PIGL: variants seen among roughly 807,000 people sequenced by gnomAD.
PIGL encodes the protein phosphatidylinositol glycan anchor biosynthesis class L, also known as N-acetylglucosaminyl-phosphatidylinositol de-N-acetylase.
PIGL carries 22 observed loss-of-function variants against 31.1 expected under a neutral mutation model. That is an observed-to-expected ratio of 0.71 (90% CI 0.51 to 1.01). The LOEUF (loss-of-function observed/expected upper bound fraction) is 1.01, where lower values mean the gene tolerates loss of function less well. Among genes scored for constraint, PIGL ranks in the 50% least tolerant of loss-of-function variants. The pLI, the probability that PIGL is intolerant of heterozygous loss-of-function variation, is 0.00. For synonymous variants in PIGL, 131 were observed against 117.4 expected, an observed-to-expected ratio of 1.12 and a Z score of -0.75; for missense variants, 302 against 315.9, an observed-to-expected ratio of 0.96 and a Z score of 0.33.
intron 2 of PIGL, among the ~76,000 whole-genome samples, chr17:16,291,028 T>A (rs987125071): frequency 6.6e-6 from 1 of 152,196 alleles, no homozygotes. Context: ...GAGGCTTGAC[T>A]TCTGCTTTCA....
chr17:16,312,274 C>G lies in PIGL; in HGVS notation c.427-1273C>G, dbSNP rs1210589136. The G allele has an allele frequency of 1.9e-5, 3 of 161,966 alleles. No homozygotes were observed. In the East Asian group the frequency reaches 5.5e-4, roughly 30 times the overall value. The allele number at this position is 161,966 out of a possible 1,614,324, so 10.0% of individuals were successfully genotyped here. On this transcript the variant is annotated intron_variant, in intron 3 of 6. Transcript: ENST00000225609. ...GGCCGGGCAGAGACGCTCCTCACCT[C>G]CCAGACGGGGGTCGCGGCCGGGCAG...
Position 16,242,978 on chromosome 17 carries a change from C to A in PIGL, c.335+8908C>A, listed in dbSNP as rs115062198. Among the ~76,000 whole-genome samples, 1,072 of 152,200 alleles carry A rather than the reference C, an allele frequency of 7.0e-3. 12 individuals are homozygous for A. Among genetic ancestry groups the A allele is most frequent in the African/African-American group, 0.024 (999 of 41,528 alleles). ...TAAACAAAAAAGGGAAAGCAGGCAA[C>A]TTTATCCGTATTTATGATTTGATTG... On this transcript the variant is annotated intron_variant, in intron 2 of 6. Transcript: ENST00000225609.
intron 3 of PIGL, among the ~76,000 whole-genome samples, chr17:16,311,397 C>T (rs1387498517): frequency 7.1e-6 from 1 of 141,704 alleles, no homozygotes; most frequent in Non-Finnish European, 1.5e-5. Context: ...GCACCACAGA[C>T]ATGTTATATA....
intron 2 of PIGL, among the ~76,000 whole-genome samples, chr17:16,285,605 G>C (rs1325571010): frequency 6.6e-6 from 1 of 152,104 alleles, no homozygotes; most frequent in Non-Finnish European, 1.5e-5. Flanking sequence ...TTAGATTTGG[G>C]GGCTTCAAGC....
At chr17:16,320,825 G>A (rs2093102403) in intron 6 of PIGL, among the ~76,000 whole-genome samples, 1 of 151,848 alleles carries the variant, frequency 6.6e-6, no homozygotes, top group African/African-American at 2.4e-5. Context: ...AATAGAGATG[G>A]GATTTCACCA....
intron 6 of PIGL, among the ~76,000 whole-genome samples, chr17:16,323,762 C>T (rs1369806830): frequency 1.4e-5 from 2 of 145,958 alleles, no homozygotes; most frequent in South Asian, 4.4e-4. Context: ...ACAGACAGGC[C>T]GGCACCACCA....
chr17:16,275,352 C>T (rs2092890410), intron 2 of PIGL, among the ~76,000 whole-genome samples: 1 of 152,198 alleles, frequency 6.6e-6, no homozygotes, highest in African/African-American at 2.4e-5. Context: ...CCAGAGGTCA[C>T]TTTCATTGCC....
At chr17:16,266,897 C>CT (rs1396405341) in intron 2 of PIGL, among the ~76,000 whole-genome samples, 4 of 42,834 alleles carry the variant, frequency 9.3e-5, no homozygotes, top group Non-Finnish European at 2.0e-4. Context: ...ACGCCTTGCT[C>CT]TTTTTTTTTG....
At chr17:16,265,721 A>T (rs532640805) in intron 2 of PIGL, among the ~76,000 whole-genome samples, 60 of 151,848 alleles carry the variant, frequency 4.0e-4, no homozygotes, top group Non-Finnish European at 6.8e-4. Context: ...AGCATGGGCA[A>T]CAGAGCGAGA....
chr17:16,287,023 T>C (rs2142807142), intron 2 of PIGL, among the ~76,000 whole-genome samples: 1 of 152,340 alleles, frequency 6.6e-6, no homozygotes, highest in East Asian at 1.9e-4. Flanking sequence ...GTTTGGCACA[T>C]AGTGTGTGCT....
chr17:16,258,069 A>AAGAGAGAGAGAGAGAG (rs749459552), intron 2 of PIGL, among the ~76,000 whole-genome samples: 6 of 90,478 alleles, frequency 6.6e-5, no homozygotes, highest in African/African-American at 3.0e-4. Flanking sequence ...GTCAGAAAGA[A>AAGAGAGAGAGAGAGAG]AGAGAGAGAG....
In PIGL at chr17:16,229,422, TTATGAATAATGCTTC is replaced by T. The variant is rs1354469798; in HGVS notation, c.236-4542_236-4528del. Among the ~76,000 whole-genome samples, 5 of 151,814 alleles carry T rather than the reference TTATGAATAATGCTTC, an allele frequency of 3.3e-5. No individual in the cohort carries two copies. The East Asian group carries it at 9.6e-4, about 29-fold the overall frequency. ...TTGGGTTATTTCCAATTTGGGGCTATTATGAATAATGCTTCTATGAACATTGGTGTACAAGTATTT... is the reference window on the plus strand; with the variant it reads ...TTGGGTTATTTCCAATTTGGGGCTATTATGAACATTGGTGTACAAGTATTT... On this transcript the variant is annotated intron_variant, in intron 1 of 6. Transcript: ENST00000225609.
intron 2 of PIGL, among the ~76,000 whole-genome samples, chr17:16,235,892 T>A (rs1387096409): frequency 6.6e-6 from 1 of 152,012 alleles, no homozygotes; most frequent in Non-Finnish European, 1.5e-5. Flanking sequence ...ATAGTGAATC[T>A]ACAGTTGATC....
At chr17:16,285,493 G>C (rs943160797) in intron 2 of PIGL, among the ~76,000 whole-genome samples, 1 of 152,110 alleles carries the variant, frequency 6.6e-6, no homozygotes, top group Non-Finnish European at 1.5e-5. Context: ...GCTGAAGCAG[G>C]AGAATCACCT....
intron 2 of PIGL, among the ~76,000 whole-genome samples, chr17:16,250,683 A>G: frequency 6.6e-6 from 1 of 152,228 alleles, no homozygotes; most frequent in Middle Eastern, 3.2e-3. Flanking sequence ...ATAACAGTAA[A>G]TATAAAACTA....
chr17:16,317,849 C>CT lies in PIGL; in HGVS notation c.602dup (p.Leu202AlafsTer55). The CT allele has an allele frequency of 1.9e-6, 3 of 1,614,150 alleles. No individual in the cohort carries two copies. Among genetic ancestry groups the CT allele is most frequent in the Non-Finnish European group, 2.5e-6 (3 of 1,180,050 alleles). ...CTCCCTTCTGGATCTGCCCTTGTCT[C>CT]TGCTTCATACGCAGGATGTCCTCTT... On this transcript the variant is annotated frameshift_variant, in exon 6 of 7. Coordinates refer to ENST00000225609, the MANE Select transcript of PIGL (RefSeq NM_004278.4). LOFTEE classifies it high-confidence loss of function.
In PIGL at chr17:16,309,360, AAGC is replaced by A. The variant is rs571960211; in HGVS notation, c.427-4184_427-4182del. Among the ~76,000 whole-genome samples the A allele has an allele frequency of 1.3e-3, 196 of 152,350 alleles. 1 individual carries two copies. Among genetic ancestry groups the A allele is most frequent in the Non-Finnish European group, 2.0e-3 (136 of 68,032 alleles). On this transcript the variant is annotated intron_variant, in intron 3 of 6. Coordinates refer to ENST00000225609, the MANE Select transcript of PIGL (RefSeq NM_004278.4). The stretch of plus-strand genomic sequence containing the variant: ...GAGCAAAGCGATAAAGCGAGCATAA[AAGC>A]AGTTTGAAAAGTAAGTGACAGAAGC...
At chr17:16,319,967 C>A (rs2093096051) in intron 6 of PIGL, among the ~76,000 whole-genome samples, 1 of 151,524 alleles carries the variant, frequency 6.6e-6, no homozygotes, top group Non-Finnish European at 1.5e-5. Flanking sequence ...TTAAGCCCCC[C>A]ACAGAGAGAT....
At chr17:16,253,181 G>A (rs1275969785) in intron 2 of PIGL, among the ~76,000 whole-genome samples, 1 of 151,144 alleles carries the variant, frequency 6.6e-6, no homozygotes, top group Non-Finnish European at 1.5e-5. Context: ...TTGAACCCGG[G>A]AGGCGGAGGT....
Sources: gnomAD v4.1 joint callset for allele counts (sites outside exome capture counted in the v4.1 genomes callset) on GRCh38, gnomAD v4.1.1 for gene constraint, MANE v1.5 for transcripts, NCBI Gene and HGNC (gene_info 2026-07-23, HGNC 2026-07-21) for gene names.